Variants in EPHA6 observed in about 807,000 individuals in gnomAD.
EPHA6 encodes the protein EPH receptor A6.
EPHA6 carries 50 observed loss-of-function variants against 112.0 expected under a neutral mutation model. That is an observed-to-expected ratio of 0.45 (90% CI 0.36 to 0.56). EPHA6 has a LOEUF of 0.56. Among genes scored for constraint, EPHA6 ranks in the 20% least tolerant of loss-of-function variants. The pLI, the probability that EPHA6 is intolerant of heterozygous loss-of-function variation, is 0.00. For synonymous variants in EPHA6, 529 were observed against 490.7 expected (o/e 1.08, Z -1.03); for missense variants, 1,280 against 1,417.4 (o/e 0.90, Z 1.56).
intron 3 of EPHA6, among the ~76,000 whole-genome samples, chr3:97,050,417 G>T (rs1175297078): frequency 1.3e-5 from 2 of 152,200 alleles, no homozygotes; most frequent in Admixed American, 6.5e-5. Flanking sequence ...CTCGGGCTGG[G>T]ATGTGTGTCA....
chr3:97,622,073 A>T (rs547872029), intron 13 of EPHA6, among the ~76,000 whole-genome samples: 1 of 151,824 alleles, frequency 6.6e-6, no homozygotes, highest in Non-Finnish European at 1.5e-5. Flanking sequence ...ACATAACATA[A>T]AATTTACCAT....
chr3:97,331,307 A>C (rs555220926), intron 5 of EPHA6, among the ~76,000 whole-genome samples: 1 of 152,310 alleles, frequency 6.6e-6, no homozygotes, highest in East Asian at 1.9e-4. Flanking sequence ...GAAAGATCTG[A>C]AATTGACACC....
At chr3:97,002,182 T>C (rs981459787) in intron 3 of EPHA6, among the ~76,000 whole-genome samples, 5 of 151,822 alleles carry the variant, frequency 3.3e-5, no homozygotes, top group African/African-American at 1.2e-4. Flanking sequence ...ATGTAAAAAT[T>C]GTGTTAATTG....
chr3:97,452,317 T>C (rs2107338190), intron 7 of EPHA6, among the ~76,000 whole-genome samples: 1 of 152,018 alleles, frequency 6.6e-6, no homozygotes, highest in South Asian at 2.1e-4. Flanking sequence ...TACCGAAATC[T>C]ATAAAACAAC....
At chr3:97,648,948 A>C (rs1261329238) in intron 14 of EPHA6, among the ~76,000 whole-genome samples, 3 of 152,102 alleles carry the variant, frequency 2.0e-5, no homozygotes, top group Non-Finnish European at 2.9e-5. Context: ...ACCCTAGTTC[A>C]ACTGGGTCTA....
intron 10 of EPHA6, among the ~76,000 whole-genome samples, chr3:97,492,816 C>G (rs2091883586): frequency 6.6e-6 from 1 of 151,742 alleles, no homozygotes; most frequent in South Asian, 2.1e-4. Flanking sequence ...TAAGGATTGT[C>G]AAGCTGTAGA....
chr3:97,658,018 G>T (rs1240807212), intron 14 of EPHA6, among the ~76,000 whole-genome samples: 7 of 151,776 alleles, frequency 4.6e-5, no homozygotes, highest in Admixed American at 2.6e-4. Context: ...AAAGGGGGAG[G>T]AAATAGGAAG....
intron 14 of EPHA6, among the ~76,000 whole-genome samples, chr3:97,707,870 A>T (rs2033764844): frequency 6.6e-6 from 1 of 152,120 alleles, no homozygotes; most frequent in Admixed American, 6.6e-5. Context: ...ACCATGTAAG[A>T]TGTGCCTTGC....
chr3:97,340,845 T>A (rs1038375675), intron 5 of EPHA6, among the ~76,000 whole-genome samples: 2 of 152,204 alleles, frequency 1.3e-5, no homozygotes, highest in Non-Finnish European at 2.9e-5. Flanking sequence ...CCTACCCCTA[T>A]GACCTCATTT....
intron 3 of EPHA6, among the ~76,000 whole-genome samples, chr3:97,155,950 G>A (rs2076279349): frequency 6.6e-6 from 1 of 152,054 alleles, no homozygotes. Flanking sequence ...TGCTCATAAG[G>A]GCTCCTGTGA....
At chr3:97,058,894 A>G (rs534187421) in intron 3 of EPHA6, among the ~76,000 whole-genome samples, 14 of 152,268 alleles carry the variant, frequency 9.2e-5, no homozygotes, top group Admixed American at 2.6e-4. Context: ...AACACAAAAG[A>G]CTCAGACAAA....
At chr3:97,176,615 A>G (rs2076841952) in intron 3 of EPHA6, among the ~76,000 whole-genome samples, 1 of 151,516 alleles carries the variant, frequency 6.6e-6, no homozygotes, top group Non-Finnish European at 1.5e-5. Flanking sequence ...TCCTGGTTCG[A>G]TCTTGGTAGG....
intron 3 of EPHA6, among the ~76,000 whole-genome samples, chr3:97,112,175 T>C (rs553520567): frequency 6.6e-6 from 1 of 152,296 alleles, no homozygotes; most frequent in Non-Finnish European, 1.5e-5. Flanking sequence ...ACAATTTTCA[T>C]CTCTGTTTCT....
At chr3:97,500,676 G>A (rs1411814467) in intron 10 of EPHA6, among the ~76,000 whole-genome samples, 1 of 152,136 alleles carries the variant, frequency 6.6e-6, no homozygotes, top group Non-Finnish European at 1.5e-5. Flanking sequence ...ATGAAGAAGA[G>A]TGTGTTTGTC....
intron 16 of EPHA6, among the ~76,000 whole-genome samples, chr3:97,743,072 C>T (rs2035576063): frequency 2.0e-5 from 3 of 152,110 alleles, no homozygotes; most frequent in Admixed American, 2.0e-4. Context: ...TTTCTCCACT[C>T]TGAAACCTAT....
At chr3:97,074,288 G>A (rs2046449353) in intron 3 of EPHA6, among the ~76,000 whole-genome samples, 1 of 151,930 alleles carries the variant, frequency 6.6e-6, no homozygotes, top group Non-Finnish European at 1.5e-5. Context: ...TTAATACAAT[G>A]AAAGTTAGTA....
intron 3 of EPHA6, among the ~76,000 whole-genome samples, chr3:97,169,892 GTAA>G (rs1230411575): frequency 1.3e-5 from 2 of 152,120 alleles, no homozygotes; most frequent in African/African-American, 4.8e-5. Context: ...AAAAGCCAGA[GTAA>G]TAAGTGGGAG....
In EPHA6 at chr3:97,751,887, T is replaced by C. The variant is rs960307174; in HGVS notation, c.*3186T>C. On this transcript the variant is annotated 3_prime_UTR_variant, in exon 18 of 18. Transcript: ENST00000389672. ...CAGTTAAAAAATCATTTTCATTTTA[T>C]TTCTAGATGGTCAATTTTGTCTATG... Among the ~76,000 whole-genome samples, 18 of 152,144 alleles carry C rather than the reference T, an allele frequency of 1.2e-4. No homozygotes were observed. In the South Asian group the frequency reaches 1.9e-3, roughly 16 times the overall value.
At chr3:97,012,585 ATGTG>A (rs200953475) in intron 3 of EPHA6, among the ~76,000 whole-genome samples, 24 of 141,162 alleles carry the variant, frequency 1.7e-4, no homozygotes, top group Non-Finnish European at 2.9e-4. Flanking sequence ...AAATTTATAT[ATGTG>A]TGTGTGTGTG....
Sources: allele counts gnomAD v4.1 joint callset (sites outside exome capture counted in the v4.1 genomes callset), GRCh38; gene constraint gnomAD v4.1.1; transcripts MANE v1.5; gene names NCBI Gene and HGNC (gene_info 2026-07-23, HGNC 2026-07-21).